Variants in AFF3 observed in about 807,000 individuals in gnomAD.
The protein encoded by AFF3 is AF4/FMR2 family member 3.
AFF3 carries 32 observed loss-of-function variants against 129.7 expected under a neutral mutation model. The observed-to-expected ratio is 0.25, with a 90% CI of 0.19 to 0.33. The LOEUF is 0.33. AFF3 is among the 10% of genes least tolerant of loss of function. AFF3 has a pLI of 1.00. For missense variants in AFF3, 1,373 were observed against 1,592.0 expected (o/e 0.86, Z 2.34); for synonymous variants, 644 against 635.4 (o/e 1.01, Z -0.20).
chr2:99,625,349 C>A (rs887073687), intron 13 of AFF3, among the ~76,000 whole-genome samples: 7 of 152,264 alleles, frequency 4.6e-5, no homozygotes, highest in Admixed American at 3.9e-4. Context: ...ATTTAGACTA[C>A]AGAATTATTC....
intron 2 of AFF3, among the ~76,000 whole-genome samples, chr2:100,108,621 A>T (rs2871332): frequency 0.014 from 2,197 of 152,164 alleles, 61 homozygotes; most frequent in African/African-American, 0.05. Context: ...ACTCCCTGCA[A>T]ATGGTTTTGA....
chr2:100,106,417 C>T (rs1691296215), intron 2 of AFF3: 4 of 1,048,948 alleles, frequency 3.8e-6, no homozygotes, highest in Non-Finnish European at 4.6e-6. Flanking sequence ...AATCCCAATG[C>T]ACAGTGTATT....
At chr2:99,850,457 A>G (rs12476744) in intron 7 of AFF3, among the ~76,000 whole-genome samples, 21,260 of 152,210 alleles carry the variant, frequency 0.14, 1,682 homozygotes, top group Admixed American at 0.23. Context: ...CAGGGTTCAT[A>G]CTCATTCTGG....
chr2:100,031,089 T>C lies in AFF3; in HGVS notation c.54-22157A>G, dbSNP rs1328598703. Reference sequence around the variant, plus strand: ...CACTTAACAGTATGAGGAAATAAAATCCTGACCCAAATAATAACTTTAGAA... The same window carrying C: ...CACTTAACAGTATGAGGAAATAAAACCCTGACCCAAATAATAACTTTAGAA... On this transcript the variant is annotated intron_variant, in intron 4 of 24. Coordinates refer to ENST00000672756, the MANE Select transcript of AFF3 (RefSeq NM_001386135.1). Among the ~76,000 whole-genome samples the C allele has an allele frequency of 2.0e-5, 3 of 152,056 alleles. No individual in the cohort carries two copies. In the East Asian group the frequency reaches 5.8e-4, roughly 29 times the overall value.
At chr2:99,915,193 C>T (rs752119092) in intron 7 of AFF3, among the ~76,000 whole-genome samples, 3 of 151,688 alleles carry the variant, frequency 2.0e-5, no homozygotes, top group African/African-American at 7.3e-5. Flanking sequence ...AAAAGGCTCT[C>T]GATAATGGAA....
chr2:99,712,397 T>G (rs947030754), intron 11 of AFF3, among the ~76,000 whole-genome samples: 2 of 152,210 alleles, frequency 1.3e-5, no homozygotes, highest in African/African-American at 2.4e-5. Flanking sequence ...TCAGAGCTAC[T>G]GGGAAGACTG....
chr2:99,958,319 C>A (rs1676858298), intron 7 of AFF3, among the ~76,000 whole-genome samples: 1 of 151,914 alleles, frequency 6.6e-6, no homozygotes, highest in Non-Finnish European at 1.5e-5. Context: ...ATGATGAAAC[C>A]CCATCTCTAC....
At chr2:99,829,966 C>T (rs1688394229) in intron 8 of AFF3, among the ~76,000 whole-genome samples, 1 of 152,186 alleles carries the variant, frequency 6.6e-6, no homozygotes, top group African/African-American at 2.4e-5. Context: ...AGGATGAGTT[C>T]ATGTCCTTTG....
At chr2:100,050,446 C>T (rs1004732864) in intron 4 of AFF3, among the ~76,000 whole-genome samples, 8 of 152,018 alleles carry the variant, frequency 5.3e-5, no homozygotes, top group Non-Finnish European at 7.4e-5. Flanking sequence ...ACTCCTGGAT[C>T]GAATATTCTT....
At chr2:99,819,160 G>A (rs1687463005) in intron 8 of AFF3, among the ~76,000 whole-genome samples, 1 of 152,172 alleles carries the variant, frequency 6.6e-6, no homozygotes, top group South Asian at 2.1e-4. Context: ...TTCCAAGGAA[G>A]CTTTGTCTGT....
chr2:99,723,201 G>C (rs1291861295), intron 11 of AFF3, among the ~76,000 whole-genome samples: 1 of 152,092 alleles, frequency 6.6e-6, no homozygotes, highest in Non-Finnish European at 1.5e-5. Flanking sequence ...TCATTGCCCT[G>C]AATGCTCATA....
At chr2:100,139,884 T>C (rs1417973254) in intron 1 of AFF3, among the ~76,000 whole-genome samples, 1 of 152,178 alleles carries the variant, frequency 6.6e-6, no homozygotes, top group Non-Finnish European at 1.5e-5. Flanking sequence ...ATTTAACTTG[T>C]GATATTCAAA....
At chr2:99,575,414 A>ATTTTTTTTTTTTTT (rs540441950) in intron 18 of AFF3, among the ~76,000 whole-genome samples, 33 of 127,460 alleles carry the variant, frequency 2.6e-4, no homozygotes, top group East Asian at 4.7e-4. Flanking sequence ...TGCCTGGCTA[A>ATTTTTTTTTTTTTT]TTTTTTTTTT....
At chr2:100,018,851 G>C (rs984039660) in intron 4 of AFF3, among the ~76,000 whole-genome samples, 1 of 152,124 alleles carries the variant, frequency 6.6e-6, no homozygotes, top group African/African-American at 2.4e-5. Context: ...TCTGCGATGA[G>C]AAGGATGCTG....
intron 11 of AFF3, among the ~76,000 whole-genome samples, chr2:99,712,720 A>G (rs1678010102): frequency 6.9e-6 from 1 of 145,436 alleles, no homozygotes; most frequent in South Asian, 2.2e-4. Context: ...TTATAGTCAT[A>G]AAGTTTTGAG....
rs191620175 is a variant in AFF3, at chr2:100,111,962, G to T, written c.-144-6379C>A. On this transcript the variant is annotated intron_variant, in intron 2 of 24. Coordinates refer to ENST00000672756, the MANE Select transcript of AFF3 (RefSeq NM_001386135.1). ...AGCCTCCCTGTTTTACTTTTCAAGG[G>T]CTCAGCTCTAGCTGGAACAACATTC... Among the ~76,000 whole-genome samples, 363 of 152,294 alleles carry T rather than the reference G, an allele frequency of 2.4e-3. 1 individual carries two copies. Among genetic ancestry groups the T allele is most frequent in the Non-Finnish European group, 3.1e-3 (210 of 68,022 alleles).
At chr2:100,039,824 G>A (rs138170601) in intron 4 of AFF3, among the ~76,000 whole-genome samples, 244 of 152,034 alleles carry the variant, frequency 1.6e-3, no homozygotes, top group Admixed American at 3.9e-3. Context: ...ATTGCCTGTC[G>A]CTTCCTCCTT....
chr2:99,910,708 C>T (rs1168291066), intron 7 of AFF3, among the ~76,000 whole-genome samples: 1 of 152,236 alleles, frequency 6.6e-6, no homozygotes, highest in Non-Finnish European at 1.5e-5. Flanking sequence ...TGCTAGGAAG[C>T]TCAAATCCTG....
At chr2:99,991,486 T>C (rs1480133482) in intron 7 of AFF3, among the ~76,000 whole-genome samples, 1 of 152,210 alleles carries the variant, frequency 6.6e-6, no homozygotes, top group East Asian at 1.9e-4. Context: ...TCCTCTCTGT[T>C]GCCAGACTTA....
Sources: gnomAD v4.1 joint callset for allele counts (sites outside exome capture counted in the v4.1 genomes callset) on GRCh38, gnomAD v4.1.1 for gene constraint, MANE v1.5 for transcripts, NCBI Gene and HGNC (gene_info 2026-07-23, HGNC 2026-07-21) for gene names.